Variants in DDX50 observed in about 807,000 individuals in gnomAD.
The protein encoded by DDX50 is ATP-dependent RNA helicase DDX50.
DDX50 carries 56 observed loss-of-function variants against 94.8 expected under a neutral mutation model. The observed-to-expected ratio is 0.59, with a 90% CI of 0.48 to 0.74. The LOEUF (loss-of-function observed/expected upper bound fraction) is 0.74. Among genes scored for constraint, DDX50 ranks in the 30% least tolerant of loss-of-function variants. The pLI, the probability that DDX50 is intolerant of heterozygous loss-of-function variation, is 0.00. For missense variants in DDX50, 713 were observed against 881.2 expected (o/e 0.81, Z 2.42); for synonymous variants, 264 against 295.4 (o/e 0.89, Z 1.09).
In DDX50 at chr10:68,943,300, C is replaced by T. The variant is rs376922867; in HGVS notation, c.1935+43C>T. ...TCTTTTAAATGGTTGAGTACATTCT[C>T]TAACATTTAGATTGGGATATTTTGG... On this transcript the variant is annotated intron_variant, in intron 14 of 14. Transcript: ENST00000373585. 4.7e-6 allele frequency: 7 copies of T among 1,501,846 alleles called. No homozygotes were observed. The South Asian group carries it at 7.3e-5, about 16-fold the overall frequency. The allele number at this position is 1,501,846 out of a possible 1,614,324, so 93.0% of individuals were successfully genotyped here.
chr10:68,914,799 A>T (rs1487089965), intron 7 of DDX50, among the ~76,000 whole-genome samples: 2 of 152,164 alleles, frequency 1.3e-5, no homozygotes, highest in East Asian at 3.9e-4. Flanking sequence ...AGGCGGGCAG[A>T]TCACTTGAGG....
At chr10:68,924,704 C>T (rs1842034246) in intron 8 of DDX50, among the ~76,000 whole-genome samples, 1 of 151,706 alleles carries the variant, frequency 6.6e-6, no homozygotes, top group Admixed American at 6.6e-5. Context: ...CTAGCTGTGT[C>T]TTTCCTCATT....
intron 8 of DDX50, among the ~76,000 whole-genome samples, chr10:68,931,072 T>C (rs1842250557): frequency 6.6e-6 from 1 of 152,178 alleles, no homozygotes; most frequent in African/African-American, 2.4e-5. Context: ...TGTCCTCTTA[T>C]AAAGCCTCAT....
At chr10:68,926,552 A>G (rs1034179922) in intron 8 of DDX50, among the ~76,000 whole-genome samples, 1 of 152,112 alleles carries the variant, frequency 6.6e-6, no homozygotes, top group South Asian at 2.1e-4. Context: ...TTATTTTTAA[A>G]TTGTAATTTA....
intron 1 of DDX50, among the ~76,000 whole-genome samples, chr10:68,904,143 TC>T (rs1335557013): frequency 2.2e-5 from 3 of 136,340 alleles, no homozygotes; most frequent in African/African-American, 8.8e-5. Context: ...AAACTCCGTC[TC>T]AAAAAAAAAA....
intron 8 of DDX50, 95 bp downstream of exon 8, chr10:68,920,076 C>G: frequency 6.8e-7 from 1 of 1,480,672 alleles, no homozygotes; most frequent in Non-Finnish European, 9.3e-7. Context: ...ATTTGATAGT[C>G]ATTCTCAAAA....
chr10:68,942,542 C>G (rs148327782), intron 13 of DDX50, among the ~76,000 whole-genome samples: 111 of 152,236 alleles, frequency 7.3e-4, no homozygotes, highest in African/African-American at 2.6e-3. Flanking sequence ...TAACTTTCAG[C>G]TTATTGACAA....
chr10:68,917,738 G>A (rs929779366), intron 7 of DDX50, among the ~76,000 whole-genome samples: 11 of 152,058 alleles, frequency 7.2e-5, no homozygotes, highest in African/African-American at 2.7e-4. Flanking sequence ...GAGTGGCTGG[G>A]ACTACAGGCA....
At chr10:68,925,208 A>C (rs1484442661) in intron 8 of DDX50, among the ~76,000 whole-genome samples, 1 of 144,394 alleles carries the variant, frequency 6.9e-6, no homozygotes, top group East Asian at 2.0e-4. Context: ...GGTTCAAGTG[A>C]TTCTCCTGCC....
At position 68,924,726 on chromosome 10, in the gene DDX50, C is replaced by CT. The variant is rs367798888; in HGVS notation, c.1239+4754dup. Among the ~76,000 whole-genome samples, 15 of 151,390 alleles carry CT rather than the reference C, an allele frequency of 9.9e-5. No homozygotes were observed. The South Asian group carries it at 1.0e-3, about 11-fold the overall frequency. On this transcript the variant is annotated intron_variant, in intron 8 of 14. Coordinates refer to ENST00000373585, the MANE Select transcript of DDX50 (RefSeq NM_024045.2). ...TGTCTTTCCTCATTTTTCTCTGTATCTTTTTTTTTCTTTGATCCTGTTATT... is the reference window on the plus strand; with the variant it reads ...TGTCTTTCCTCATTTTTCTCTGTATCTTTTTTTTTTCTTTGATCCTGTTATT...
At chr10:68,917,868 G>A (rs1437264761) in intron 7 of DDX50, among the ~76,000 whole-genome samples, 3 of 152,118 alleles carry the variant, frequency 2.0e-5, no homozygotes, top group African/African-American at 7.2e-5. Context: ...CTCCCAAAGT[G>A]CTGGGATTAC....
chr10:68,918,087 G>A (rs535762933), intron 7 of DDX50, among the ~76,000 whole-genome samples: 1 of 152,038 alleles, frequency 6.6e-6, no homozygotes, highest in South Asian at 2.1e-4. Flanking sequence ...ACCATGCCCA[G>A]CTAATTTTTG....
At chr10:68,929,328 T>C (rs574541123) in intron 8 of DDX50, among the ~76,000 whole-genome samples, 166 of 149,184 alleles carry the variant, frequency 1.1e-3, no homozygotes, top group Middle Eastern at 0.01. Flanking sequence ...TTTCTCTTTC[T>C]TTCTTTCCTT....
intron 2 of DDX50, among the ~76,000 whole-genome samples, chr10:68,907,317 C>CTTTTTTTTTTTT: frequency 1.5e-5 from 2 of 130,504 alleles, no homozygotes; most frequent in Non-Finnish European, 1.6e-5. Context: ...TTTCTTTTTT[C>CTTTTTTTTTTTT]TTTTTTTTTT....
intron 7 of DDX50, 89 bp from the exon 8 acceptor site, chr10:68,919,743 A>G (rs1841893983): frequency 6.6e-7 from 1 of 1,517,520 alleles, no homozygotes; most frequent in Non-Finnish European, 8.9e-7. Context: ...AGGAAGGCTA[A>G]TTCTTGACCA....
At chr10:68,937,202 G>T in intron 12 of DDX50, 107 bp downstream of exon 12, 4 of 1,229,238 alleles carry the variant, frequency 3.3e-6, no homozygotes, top group East Asian at 2.6e-5. Context: ...AAACTGTTTT[G>T]CTCTATGAGA....
At chr10:68,935,902 C>A (rs1842395498) in intron 10 of DDX50, 104 bp from the exon 11 acceptor site, 2 of 807,182 alleles carry the variant, frequency 2.5e-6, no homozygotes, top group Admixed American at 5.6e-5. Context: ...GCTATGAAAT[C>A]TTTAAATGCA....
In DDX50 at chr10:68,934,178, T is replaced by A; in HGVS notation, c.1240-21T>A. 1 of 1,606,714 alleles carries A rather than the reference T, an allele frequency of 6.2e-7. No homozygotes were observed. Among genetic ancestry groups the A allele is most frequent in the Non-Finnish European group, 8.5e-7 (1 of 1,177,246 alleles). ...GCAAGTATGAGCTGTACACTTAATT[T>A]TCTCCCCCTTTCTCAAATAGAATGC... On this transcript the variant is annotated intron_variant, in intron 8 of 14. Transcript: ENST00000373585. The surrounding 1 kb of genome is among the most constrained non-coding windows in gnomAD (Gnocchi z 4.0).
chr10:68,923,254 AGGCTCAAGTGCAGTGGCATGATCTT>A (rs1185864825), intron 8 of DDX50, among the ~76,000 whole-genome samples: 1 of 144,512 alleles, frequency 6.9e-6, no homozygotes, highest in African/African-American at 2.6e-5. Context: ...TCTGTCACCC[AGGCTCAAGTGCAGTGGCATGATCTT>A]GGCTCACTGC....
Sources: gnomAD v4.1 joint callset for allele counts (sites outside exome capture counted in the v4.1 genomes callset) on GRCh38, gnomAD v4.1.1 for gene constraint, Gnocchi (gnomAD v3.1) non-coding constraint, MANE v1.5 for transcripts, NCBI Gene and HGNC (gene_info 2026-07-23, HGNC 2026-07-21) for gene names.